Variants in DPP9 observed in about 807,000 individuals in gnomAD.
The protein encoded by DPP9 is dipeptidyl peptidase 9, also known as dipeptidyl peptidase IV-related protein-2.
In DPP9, 50 loss-of-function variants were observed where a neutral mutation model predicts 110.7. That is an observed-to-expected ratio of 0.45 (90% confidence interval 0.36 to 0.57). The LOEUF is 0.57. DPP9 is among the 20% of genes least tolerant of loss of function. The pLI is 0.00. For missense variants in DPP9, 1,022 were observed against 1,217.9 expected (o/e 0.84, Z 2.39); for synonymous variants, 561 against 514.4 (o/e 1.09, Z -1.23).
intron 4 of DPP9, among the ~76,000 whole-genome samples, 193 bp downstream of exon 4, chr19:4,713,888 C>T (rs544311598): frequency 7.2e-5 from 11 of 152,274 alleles, no homozygotes; most frequent in South Asian, 4.1e-4. Flanking sequence ...CCGGGGGCCG[C>T]CCCACCCACC....
Position 4,694,565 on chromosome 19 carries a change from C to A in DPP9, c.1516+96G>T. 6.9e-7 allele frequency: 1 copy of A among 1,455,920 alleles called. No homozygotes were observed. The allele number at this position is 1,455,920 out of a possible 1,614,324, so 90.2% of individuals were successfully genotyped here. ...CCTGTTCCTTCTCCCGCAGGGTGTG[C>A]TGGCTGAGTGGGGGGGCCGACCAAT... On this transcript the variant is annotated intron_variant, in intron 13 of 21. Coordinates refer to ENST00000262960, the MANE Select transcript of DPP9 (RefSeq NM_139159.5). This position sits in a 1 kb window ranked among gnomAD's most constrained non-coding sequence, Gnocchi z 4.0.
At chr19:4,702,548 G>A in intron 8 of DPP9, 55 bp downstream of exon 8, 1 of 1,354,974 alleles carries the variant, frequency 7.4e-7, no homozygotes, top group South Asian at 1.3e-5. Context: ...CACAGCCTGT[G>A]ATTCCAGGAG....
chr19:4,695,061 G>A lies in DPP9; in HGVS notation c.1354-238C>T. The A allele has an allele frequency of 3.4e-6, 2 of 596,588 alleles. No individual in the cohort carries two copies. Among genetic ancestry groups the A allele is most frequent in the Non-Finnish European group, 5.9e-6 (2 of 338,666 alleles). The allele number at this position is 596,588 out of a possible 1,614,324, so 37.0% of individuals were successfully genotyped here. A position where few individuals can be genotyped will look rare whatever the true frequency, so the allele number is the denominator to read the frequency against. On this transcript the variant is annotated intron_variant, in intron 12 of 21. Transcript: ENST00000262960. The surrounding 1 kb of genome is among the most constrained non-coding windows in gnomAD (Gnocchi z 4.7). ...AGCTACTCTGGAGGCTGAGGTGGGA[G>A]GATCACTTAGGCCCAGGAGGTCAAG...
At chr19:4,697,073 T>TGGGGGACAGAGCGAGACTCCATCTC (rs2091868148) in intron 11 of DPP9, among the ~76,000 whole-genome samples, 2 of 151,294 alleles carry the variant, frequency 1.3e-5, no homozygotes, top group Non-Finnish European at 2.9e-5. Flanking sequence ...CACTCCAGCT[T>TGGGGGACAGAGCGAGACTCCATCTC]GGGCGACAGA....
intron 11 of DPP9, among the ~76,000 whole-genome samples, chr19:4,696,770 G>T (rs1168989484): frequency 6.6e-6 from 1 of 151,888 alleles, no homozygotes; most frequent in Non-Finnish European, 1.5e-5. Context: ...TAAAATATTA[G>T]CTGGGAGTGG....
Position 4,676,766 on chromosome 19 carries a change from G to A in DPP9, c.2587-110C>T. The A allele has an allele frequency of 3.5e-6, 3 of 848,632 alleles. No homozygotes were observed. The South Asian group carries it at 4.4e-5, about 12-fold the overall frequency. The allele number at this position is 848,632 out of a possible 1,614,324, so 52.6% of individuals were successfully genotyped here. A position where few individuals can be genotyped will look rare whatever the true frequency, so the allele number is the denominator to read the frequency against. On this transcript the variant is annotated intron_variant, in intron 21 of 21. Transcript: ENST00000262960. This position sits in a 1 kb window ranked among gnomAD's most constrained non-coding sequence, Gnocchi z 4.0. ...ATCCGGGAAGGCGCAGGTGCTCTGA[G>A]GCCCAGTGATCTGGGTTTGAATCCC...
chr19:4,683,307 C>T (rs2090187692), intron 19 of DPP9, 170 bp downstream of exon 19: 1 of 1,446,004 alleles, frequency 6.9e-7, no homozygotes, highest in South Asian at 1.5e-5. Flanking sequence ...AGGAGGGGGG[C>T]TCGGCCCCGT....
At position 4,689,406 on chromosome 19, in the gene DPP9, GCC is replaced by G. The variant is rs1438123711; in HGVS notation, c.1749+162_1749+163del. Among the ~76,000 whole-genome samples the G allele has an allele frequency of 2.0e-5, 3 of 152,192 alleles. No homozygotes were observed. Among genetic ancestry groups the G allele is most frequent in the Non-Finnish European group, 4.4e-5 (3 of 68,012 alleles). On this transcript the variant is annotated intron_variant, in intron 15 of 21. Transcript: ENST00000262960. This position sits in a 1 kb window ranked among gnomAD's most constrained non-coding sequence, Gnocchi z 7.0. ...TGGTGGGCAATTCACTCCCTTCCCTGCCCTACCCAGGAGGCAGGGGTGGGCAC... is the reference window on the plus strand; with the variant it reads ...TGGTGGGCAATTCACTCCCTTCCCTGCTACCCAGGAGGCAGGGGTGGGCAC...
chr19:4,721,785 AAAG>A (rs2093334618), intron 2 of DPP9, among the ~76,000 whole-genome samples: 1 of 152,196 alleles, frequency 6.6e-6, no homozygotes, highest in Non-Finnish European at 1.5e-5. Context: ...CTCAAAAACA[AAAG>A]AAGAGAGGGA....
In DPP9 at chr19:4,687,100, C is replaced by T. The variant is rs971460138; in HGVS notation, c.1886-1329G>A. ...TGCCCTGCTGAGCCCCTTCCCCTCC[C>T]TGACCCATCTCCTCATCTGAAGCCA... On this transcript the variant is annotated intron_variant, in intron 16 of 21. Transcript: ENST00000262960. This position sits in a 1 kb window ranked among gnomAD's most constrained non-coding sequence, Gnocchi z 4.7. 1.4e-4 allele frequency among the ~76,000 whole-genome samples: 21 copies of T among 152,170 alleles called. No individual in the cohort carries two copies. The highest frequency in any genetic ancestry group is 2.8e-4 in the Non-Finnish European group (19 of 68,030).
chr19:4,683,108 T>C (rs1158893607), intron 19 of DPP9: 1 of 1,477,310 alleles, frequency 6.8e-7, no homozygotes, highest in African/African-American at 1.4e-5. Context: ...TGCCTCCTCC[T>C]CCTCCTCATC....
intron 4 of DPP9, among the ~76,000 whole-genome samples, chr19:4,708,250 C>T (rs1203943146): frequency 2.0e-5 from 3 of 152,224 alleles, no homozygotes; most frequent in Non-Finnish European, 4.4e-5. Flanking sequence ...GACCCCCTTG[C>T]CGAGGACACA....
intron 3 of DPP9, among the ~76,000 whole-genome samples, chr19:4,716,990 C>T (rs1428094014): frequency 1.3e-5 from 2 of 152,140 alleles, no homozygotes; most frequent in Admixed American, 6.5e-5. Context: ...AAGGGACATA[C>T]GAAAGGCTCA....
Position 4,695,404 on chromosome 19 carries a change from C to T in DPP9, c.1327G>A (p.Glu443Lys), listed in dbSNP as rs757048687. Residue 443 changes from glutamate (E) to lysine (K), a missense_variant, in exon 12 of 22, where the codon GAG becomes AAG. Around this residue, in one of 3 missense-constraint regions of DPP9, gnomAD observed 810 missense variants for 920.6 expected, o/e 0.88. Transcript: ENST00000262960. This position sits in a 1 kb window ranked among gnomAD's most constrained non-coding sequence, Gnocchi z 4.7. ...TTGATCCAGACGTTGGTGACCTCCT[C>T]GTACACCACATACGGCTGGACATTC... is the stretch of plus-strand genomic sequence containing the variant. ...PRNVQPYVVY[E>K]EVTNVWINVH... 1.2e-5 allele frequency: 19 copies of T among 1,588,972 alleles called. No homozygotes were observed. The highest frequency in any genetic ancestry group is 1.7e-4 in the Middle Eastern group (1 of 6,032).
At chr19:4,717,725 T>G (rs1488584795) in intron 3 of DPP9, 1 of 152,240 alleles carries the variant, frequency 6.6e-6, no homozygotes, top group Non-Finnish European at 1.5e-5. Context: ...GCTAGACTCT[T>G]TAGCTTGAGC....
At chr19:4,720,655 CAT>C (rs977028019) in intron 2 of DPP9, among the ~76,000 whole-genome samples, 2 of 152,048 alleles carry the variant, frequency 1.3e-5, no homozygotes, top group South Asian at 2.1e-4. Context: ...TGTCTGGAGA[CAT>C]GTGTGGCTGT....
intron 4 of DPP9, among the ~76,000 whole-genome samples, chr19:4,709,037 C>G (rs1484358861): frequency 6.6e-6 from 1 of 152,230 alleles, no homozygotes; most frequent in Admixed American, 6.5e-5. Flanking sequence ...CCTGCCTCAG[C>G]CTCCCGAGTA....
At chr19:4,679,494 C>A (rs888226722) in intron 21 of DPP9, 1 of 315,902 alleles carries the variant, frequency 3.2e-6, no homozygotes, top group Non-Finnish European at 6.1e-6. Context: ...GTTTCTTCTA[C>A]GCAATTTCTC....
At chr19:4,722,396 T>C (rs116853154) in intron 2 of DPP9, 103 bp downstream of exon 2, 30,649 of 646,938 alleles carry the variant, frequency 0.047, 918 homozygotes, top group Middle Eastern at 0.086. Flanking sequence ...TCCAGGGCCA[T>C]AGAAAACCAT....
Sources: gnomAD v4.1 joint callset for allele counts (sites outside exome capture counted in the v4.1 genomes callset) on GRCh38, gnomAD v4.1.1 for gene constraint, gnomAD v4.1.1 regional missense constraint, Gnocchi (gnomAD v3.1) non-coding constraint, MANE v1.5 for transcripts, NCBI Gene and HGNC (gene_info 2026-07-23, HGNC 2026-07-21) for gene names.